Variants in CAMK2D observed in about 807,000 individuals in gnomAD.
CAMK2D encodes calcium/calmodulin-dependent protein kinase type II subunit delta.
CAMK2D carries 37 observed loss-of-function variants against 84.0 expected under a neutral mutation model. The observed-to-expected ratio is 0.44, with a 90% CI of 0.34 to 0.58. The LOEUF is 0.58. Among genes scored for constraint, CAMK2D ranks in the 20% least tolerant of loss-of-function variants. The pLI, the probability that CAMK2D is intolerant of heterozygous loss-of-function variation, is 0.02. For missense variants in CAMK2D, 448 were observed against 652.5 expected, an observed-to-expected ratio of 0.69 and a Z score of 3.41; for synonymous variants, 202 against 212.5, an observed-to-expected ratio of 0.95 and a Z score of 0.43.
At chr4:113,665,318 A>C (rs958890747) in intron 2 of CAMK2D, among the ~76,000 whole-genome samples, 6 of 152,244 alleles carry the variant, frequency 3.9e-5, no homozygotes, top group Admixed American at 2.0e-4. Flanking sequence ...ATGAAAATGC[A>C]TATCACCTGG....
chr4:113,530,565 C>G (rs2154182152), intron 8 of CAMK2D, among the ~76,000 whole-genome samples: 1 of 152,140 alleles, frequency 6.6e-6, no homozygotes, highest in South Asian at 2.1e-4. Context: ...AATCCTAACT[C>G]CTAATATGAT....
chr4:113,618,006 C>T (rs1299020256), intron 3 of CAMK2D, among the ~76,000 whole-genome samples: 3 of 151,998 alleles, frequency 2.0e-5, no homozygotes, highest in Non-Finnish European at 2.9e-5. Flanking sequence ...TACTCTAGCT[C>T]ACAGTAAGTA....
chr4:113,615,576 A>G (rs1328922847), intron 3 of CAMK2D, among the ~76,000 whole-genome samples: 1 of 152,124 alleles, frequency 6.6e-6, no homozygotes, highest in Non-Finnish European at 1.5e-5. Context: ...AGTATTTCCT[A>G]TAACACAAGT....
intron 4 of CAMK2D, among the ~76,000 whole-genome samples, chr4:113,569,224 G>C (rs571829513): frequency 2.0e-5 from 3 of 152,038 alleles, no homozygotes; most frequent in Admixed American, 1.3e-4. Flanking sequence ...ATGCATAAAA[G>C]GTTTTTAATT....
chr4:113,642,913 A>G (rs749787616), intron 3 of CAMK2D, among the ~76,000 whole-genome samples: 1 of 152,138 alleles, frequency 6.6e-6, no homozygotes, highest in Non-Finnish European at 1.5e-5. Flanking sequence ...GGCAGGGTCA[A>G]GTTACATCCA....
rs557700408 is a variant in CAMK2D at position 113,677,942 on chromosome 4, C to T, written c.161-16170G>A. Among the ~76,000 whole-genome samples, 16 of 150,602 alleles carry T rather than the reference C, an allele frequency of 1.1e-4. No individual in the cohort carries two copies. The East Asian group carries it at 1.6e-3, about 15-fold the overall frequency. ...TCTTGATAAAGCTTCAGAGATCAAG[C>T]GAAACTATGCAATAATAGCTATGTG... On this transcript the variant is annotated intron_variant, in intron 2 of 20. Transcript: ENST00000511664.
At chr4:113,715,506 G>A (rs1001914211) in intron 2 of CAMK2D, among the ~76,000 whole-genome samples, 1 of 151,924 alleles carries the variant, frequency 6.6e-6, no homozygotes, top group Non-Finnish European at 1.5e-5. Flanking sequence ...ATATAAATTA[G>A]ATTCAACAGT....
chr4:113,566,684 C>A (rs1205936520), intron 4 of CAMK2D, among the ~76,000 whole-genome samples: 1 of 152,166 alleles, frequency 6.6e-6, no homozygotes, highest in Non-Finnish European at 1.5e-5. Context: ...TGTTCTGCTC[C>A]TCATTGAAGC....
At chr4:113,752,785 A>G (rs1482249825) in intron 2 of CAMK2D, among the ~76,000 whole-genome samples, 1 of 152,156 alleles carries the variant, frequency 6.6e-6, no homozygotes, top group Non-Finnish European at 1.5e-5. Context: ...GTCCTTCCAG[A>G]AGACAGCATG....
intron 4 of CAMK2D, among the ~76,000 whole-genome samples, chr4:113,565,208 T>C (rs995367021): frequency 2.6e-5 from 4 of 152,066 alleles, no homozygotes; most frequent in Non-Finnish European, 5.9e-5. Context: ...ACAGGCAAGG[T>C]AGGGGGTTGG....
intron 7 of CAMK2D, 34 bp from the exon 8 acceptor site, chr4:113,531,333 A>G (rs1401541731): frequency 9.4e-7 from 1 of 1,061,430 alleles, no homozygotes; most frequent in Non-Finnish European, 1.5e-6. Context: ...GTCACAGTTG[A>G]TTTGACAAAA....
chr4:113,500,413 A>C (rs1355283956), intron 16 of CAMK2D, 50 bp downstream of exon 16: 2 of 1,128,356 alleles, frequency 1.8e-6, no homozygotes, highest in Non-Finnish European at 2.6e-6. Context: ...TTTTTCATAT[A>C]TATATGTGAA....
At position 113,465,528 on chromosome 4, in the gene CAMK2D, C is replaced by T. The variant is rs1356429607; in HGVS notation, c.1211+1G>A. ...AAGCAAAGTAAACGTCCGCTACTCA[C>T]GTGTAGGCTTCAAAGTCCCCATTGT... On this transcript the variant is annotated splice_donor_variant, in intron 17 of 20. Coordinates refer to ENST00000511664, the MANE Select transcript of CAMK2D (RefSeq NM_001321571.2). LOFTEE classifies it high-confidence loss of function. 2 of 1,591,988 alleles carry T rather than the reference C, an allele frequency of 1.3e-6. No homozygotes were observed. The highest frequency in any genetic ancestry group is 8.6e-7 in the Non-Finnish European group (1 of 1,160,556).
chr4:113,527,750 T>C (rs1471976440), intron 8 of CAMK2D, among the ~76,000 whole-genome samples: 1 of 152,134 alleles, frequency 6.6e-6, no homozygotes, highest in Non-Finnish European at 1.5e-5. Context: ...TTCAAAAAAT[T>C]CTTAATTTTT....
chr4:113,689,200 T>A lies in CAMK2D; in HGVS notation c.161-27428A>T, dbSNP rs527962788. 2.3e-3 allele frequency among the ~76,000 whole-genome samples: 350 copies of A among 152,142 alleles called. 1 individual carries two copies. Among genetic ancestry groups the A allele is most frequent in the Non-Finnish European group, 3.8e-3 (260 of 67,974 alleles). Reference sequence around the variant, plus strand: ...GGCGGAGGCTGCAGTGAGCTGAGATTGTGCCACTGCACTCCAGCCTGGCAA... The same window carrying A: ...GGCGGAGGCTGCAGTGAGCTGAGATAGTGCCACTGCACTCCAGCCTGGCAA... On this transcript the variant is annotated intron_variant, in intron 2 of 20. Coordinates refer to ENST00000511664, the MANE Select transcript of CAMK2D (RefSeq NM_001321571.2).
intron 2 of CAMK2D, among the ~76,000 whole-genome samples, chr4:113,670,221 G>A (rs2099274627): frequency 6.6e-6 from 1 of 152,140 alleles, no homozygotes; most frequent in African/African-American, 2.4e-5. Flanking sequence ...GGCGGAAGTT[G>A]CAGTGAGCCA....
Position 113,515,194 on chromosome 4 carries a change from T to C in CAMK2D, c.697-3A>G. 2 of 1,582,700 alleles carry C rather than the reference T, an allele frequency of 1.3e-6. No individual in the cohort carries two copies. The highest frequency in any genetic ancestry group is 1.2e-5 in the South Asian group (1 of 84,770). Reference sequence around the variant, plus strand: ...GTGTCCCATTCTGGTGATGGAAACTTCAAAAATATAAATTTATAAAAAGTT... The same window carrying C: ...GTGTCCCATTCTGGTGATGGAAACTCCAAAAATATAAATTTATAAAAAGTT... On this transcript the variant is annotated splice_region_variant and splice_polypyrimidine_tract_variant and intron_variant, in intron 9 of 20. Transcript: ENST00000511664.
rs2098960190 is a variant in CAMK2D at position 113,603,106 on chromosome 4, G to T, written c.275+6046C>A. The stretch of plus-strand genomic sequence containing the variant: ...CTCCTTGTTCTCCAGAGCCGCTGAG[G>T]TGTGCCTAGAAACCATGCTAGGCAC... On this transcript the variant is annotated intron_variant, in intron 4 of 20. Transcript: ENST00000511664. Among the ~76,000 whole-genome samples the T allele has an allele frequency of 2.6e-5, 4 of 151,950 alleles. No individual in the cohort carries two copies. The South Asian group carries it at 8.3e-4, about 32-fold the overall frequency.
rs1290398195 is a variant in CAMK2D, at chr4:113,597,109, C to T, written c.275+12043G>A. Among the ~76,000 whole-genome samples, 8 of 152,244 alleles carry T rather than the reference C, an allele frequency of 5.3e-5. No homozygotes were observed. The East Asian group carries it at 7.7e-4, about 15-fold the overall frequency. ...CTGGGATTACAGGCATGAGCCACCG[C>T]GCCTGGCCGGGTCCTAAAATTTTTG... On this transcript the variant is annotated intron_variant, in intron 4 of 20. Coordinates refer to ENST00000511664, the MANE Select transcript of CAMK2D (RefSeq NM_001321571.2).
Sources: allele counts gnomAD v4.1 joint callset (sites outside exome capture counted in the v4.1 genomes callset), GRCh38; gene constraint gnomAD v4.1.1; transcripts MANE v1.5; gene names NCBI Gene and HGNC (gene_info 2026-07-23, HGNC 2026-07-21).